Variants in DDAH1 observed in about 807,000 individuals in gnomAD.
DDAH1 encodes N(G),N(G)-dimethylarginine dimethylaminohydrolase 1.
Under a neutral mutation model 28.8 loss-of-function variants are expected in DDAH1, and 19 were observed. That is an observed-to-expected ratio of 0.66 (90% CI 0.46 to 0.97). The LOEUF (loss-of-function observed/expected upper bound fraction) is 0.97, where lower values mean the gene tolerates loss of function less well. Ranked by LOEUF, DDAH1 falls within the 50% of genes least tolerant of loss-of-function variation. DDAH1 has a pLI of 0.00. For synonymous variants in DDAH1, 153 were observed against 154.4 expected, an observed-to-expected ratio of 0.99 and a Z score of 0.07; for missense variants, 326 against 375.9, an observed-to-expected ratio of 0.87 and a Z score of 1.10.
chr1:85,503,562 T>C (rs898546826), intron 1 of DDAH1, among the ~76,000 whole-genome samples: 1 of 150,042 alleles, frequency 6.7e-6, no homozygotes, highest in African/African-American at 2.5e-5. Context: ...TCTATCTATC[T>C]ATCTATCCAT....
rs188628357 is a variant in DDAH1 at position 85,385,077 on chromosome 1, T to A, written c.304-26230A>T. ...GCAAATTTAACCATGACATTACAAT[T>A]AACAGAGTCTCAGAAGTACAAGTAA... is the stretch of plus-strand genomic sequence containing the variant. On this transcript the variant is annotated intron_variant, in intron 1 of 5. Transcript: ENST00000284031. Among the ~76,000 whole-genome samples the A allele has an allele frequency of 9.7e-4, 148 of 152,344 alleles. 1 individual carries two copies. Among genetic ancestry groups the A allele is most frequent in the Middle Eastern group, 3.4e-3 (1 of 294 alleles).
chr1:85,483,168 C>T (rs1013937560), intron 2 of DDAH1, among the ~76,000 whole-genome samples: 4 of 147,642 alleles, frequency 2.7e-5, no homozygotes, highest in Non-Finnish European at 4.4e-5. Context: ...GAGCCAAGAT[C>T]GTGCCACTGC....
At chr1:85,408,075 C>A (rs1395692249) in intron 1 of DDAH1, among the ~76,000 whole-genome samples, 1 of 152,178 alleles carries the variant, frequency 6.6e-6, no homozygotes, top group Admixed American at 6.5e-5. Flanking sequence ...AGACGCATTG[C>A]ACTACTTTAT....
chr1:85,486,898 C>A (rs1367526361), intron 2 of DDAH1, among the ~76,000 whole-genome samples: 1 of 152,134 alleles, frequency 6.6e-6, no homozygotes, highest in Non-Finnish European at 1.5e-5. Flanking sequence ...GCCTGATGAC[C>A]AGAGTCTTTG....
chr1:85,500,114 TTTTCTTTC>T (rs199804690), intron 1 of DDAH1, among the ~76,000 whole-genome samples: 24,064 of 129,402 alleles, frequency 0.19, 2,209 homozygotes, highest in East Asian at 0.28. Context: ...CTTTCTTTTC[TTTTCTTTC>T]TTTCTTTCTT....
At chr1:85,505,589 A>T (rs905267252) in intron 1 of DDAH1, among the ~76,000 whole-genome samples, 2 of 152,212 alleles carry the variant, frequency 1.3e-5, no homozygotes, top group African/African-American at 4.8e-5. Context: ...CAGTTCTTAC[A>T]TAGGTTCAAG....
chr1:85,457,020 T>C (rs376365250), intron 1 of DDAH1, among the ~76,000 whole-genome samples: 1 of 152,174 alleles, frequency 6.6e-6, no homozygotes, highest in Non-Finnish European at 1.5e-5. Context: ...TTATGGAGCA[T>C]GTGGATAAGA....
intron 1 of DDAH1, among the ~76,000 whole-genome samples, chr1:85,391,799 G>A (rs1651562948): frequency 6.6e-6 from 1 of 152,148 alleles, no homozygotes; most frequent in Non-Finnish European, 1.5e-5. Flanking sequence ...AAAACTGTTG[G>A]TATTGGTGCA....
intron 1 of DDAH1, among the ~76,000 whole-genome samples, chr1:85,540,960 T>TAAAA (rs140965112): frequency 1.9e-5 from 2 of 106,670 alleles, no homozygotes; most frequent in East Asian, 2.7e-4. Flanking sequence ...ACTCAGTATC[T>TAAAA]AAAAAAAAAA....
At chr1:85,530,056 C>T (rs1249803997) in intron 1 of DDAH1, among the ~76,000 whole-genome samples, 2 of 109,548 alleles carry the variant, frequency 1.8e-5, no homozygotes, top group African/African-American at 5.3e-5. Context: ...AATAGCAGAG[C>T]TGGTGGTACC....
At chr1:85,443,981 T>G (rs895204969) in intron 1 of DDAH1, among the ~76,000 whole-genome samples, 1 of 152,128 alleles carries the variant, frequency 6.6e-6, no homozygotes, top group Non-Finnish European at 1.5e-5. Context: ...TTGACTTCCT[T>G]TTTTCCTAAT....
rs1427720580 is a variant in DDAH1, at chr1:85,464,941, G to A, written c.105C>T (p.Gly35=). ...LGQHALRSAK[G]EEVDVARAER... ...CCGCGCGGGCGACGTCCACCTCCTC[G>A]CCCTTGGCGCTTCTCAGCGCGTGCT... Residue 35 remains glycine, a synonymous_variant, in exon 1 of 6, where the codon GGC becomes GGT. Transcript: ENST00000284031. This position sits in a 1 kb window ranked among gnomAD's most constrained non-coding sequence, Gnocchi z 4.4. 3 of 1,520,138 alleles carry A rather than the reference G, an allele frequency of 2.0e-6. No homozygotes were observed. The highest frequency in any genetic ancestry group is 2.9e-5 in the African/African-American group (2 of 69,818). The allele number at this position is 1,520,138 out of a possible 1,614,324, so 94.2% of individuals were successfully genotyped here. A position where few individuals can be genotyped will look rare whatever the true frequency, so the allele number is the denominator to read the frequency against.
At chr1:85,521,027 G>A (rs77778635) in intron 1 of DDAH1, among the ~76,000 whole-genome samples, 7 of 152,102 alleles carry the variant, frequency 4.6e-5, no homozygotes, top group African/African-American at 1.7e-4. Context: ...AAAGTGTTAA[G>A]TTACCTCTCC....
At chr1:85,501,202 C>T (rs552651678) in intron 1 of DDAH1, among the ~76,000 whole-genome samples, 2 of 152,230 alleles carry the variant, frequency 1.3e-5, no homozygotes, top group South Asian at 4.1e-4. Flanking sequence ...CGTTAATTTA[C>T]TAGTGGAGAA....
At chr1:85,385,203 A>G (rs1024834161) in intron 1 of DDAH1, among the ~76,000 whole-genome samples, 2 of 152,238 alleles carry the variant, frequency 1.3e-5, no homozygotes, top group Non-Finnish European at 2.9e-5. Context: ...TGAAGAACTC[A>G]AAGCCACTGG....
At chr1:85,369,916 G>C (rs1650288211) in intron 1 of DDAH1, among the ~76,000 whole-genome samples, 1 of 152,178 alleles carries the variant, frequency 6.6e-6, no homozygotes. Context: ...CCCATAGGAA[G>C]AATGTTCCAA....
chr1:85,418,195 A>G (rs1652969637), intron 1 of DDAH1, among the ~76,000 whole-genome samples: 1 of 152,238 alleles, frequency 6.6e-6, no homozygotes, highest in Non-Finnish European at 1.5e-5. Flanking sequence ...CATTTGATTC[A>G]GCAGGAGGCT....
Position 85,478,347 on chromosome 1 carries a change from G to A in DDAH1, c.-7+17819C>T, listed in dbSNP as rs1003796115. Among the ~76,000 whole-genome samples the A allele has an allele frequency of 3.0e-4, 45 of 152,282 alleles. 1 individual carries two copies. Among genetic ancestry groups the A allele is most frequent in the African/African-American group, 7.7e-4 (32 of 41,546 alleles). On this transcript the variant is annotated intron_variant, in intron 2 of 6. Transcript: ENST00000426972. Reference sequence around the variant, plus strand: ...ATTATCTGTATTAGTCTGCTCTCACGTTGCTAATGAAGATATACCTAAGAC... The same window carrying A: ...ATTATCTGTATTAGTCTGCTCTCACATTGCTAATGAAGATATACCTAAGAC...
At chr1:85,518,704 C>T (rs1257980988) in intron 1 of DDAH1, among the ~76,000 whole-genome samples, 1 of 152,166 alleles carries the variant, frequency 6.6e-6, no homozygotes, top group East Asian at 1.9e-4. Flanking sequence ...TAGGTTCTTA[C>T]TATTAATCAC....
Sources: gnomAD v4.1 joint callset for allele counts (sites outside exome capture counted in the v4.1 genomes callset) on GRCh38, gnomAD v4.1.1 for gene constraint, Gnocchi (gnomAD v3.1) non-coding constraint, MANE v1.5 for transcripts, NCBI Gene and HGNC (gene_info 2026-07-23, HGNC 2026-07-21) for gene names.